The following DPP6 variants were observed in gnomAD, a reference collection of about 807,000 sequenced individuals.
The protein encoded by DPP6 is dipeptidyl peptidase like 6.
Under a neutral mutation model 122.6 loss-of-function variants are expected in DPP6, and 69 were observed. The observed-to-expected ratio is 0.56, with a 90% CI of 0.46 to 0.69. The LOEUF (loss-of-function observed/expected upper bound fraction) is 0.69. Among genes scored for constraint, DPP6 ranks in the 30% least tolerant of loss-of-function variants. The probability of loss-of-function intolerance (pLI) is 0.00; values close to 1 mark genes in which losing one functional copy is unlikely to be tolerated. For missense variants in DPP6, 928 were observed against 1,116.9 expected, an observed-to-expected ratio of 0.83 and a Z score of 2.41; for synonymous variants, 418 against 433.1, an observed-to-expected ratio of 0.97 and a Z score of 0.43.
At chr7:154,378,278 A>T (rs971329197) in intron 1 of DPP6, among the ~76,000 whole-genome samples, 3 of 152,234 alleles carry the variant, frequency 2.0e-5, no homozygotes, top group Admixed American at 6.5e-5. Flanking sequence ...AGAAAGTAGA[A>T]TAAGCCATTG....
At chr7:154,064,419 T>C (rs1160342634) in intron 1 of DPP6, among the ~76,000 whole-genome samples, 1 of 152,196 alleles carries the variant, frequency 6.6e-6, no homozygotes, top group Non-Finnish European at 1.5e-5. Flanking sequence ...TTCATGGCCA[T>C]TGAACTTGTC....
intron 6 of DPP6, among the ~76,000 whole-genome samples, chr7:154,651,708 T>C (rs982250256): frequency 6.6e-6 from 1 of 152,150 alleles, no homozygotes; most frequent in African/African-American, 2.4e-5. Flanking sequence ...ACGACTCTGG[T>C]TTCCGCCGTC....
chr7:154,144,794 A>G (rs1045553206), intron 1 of DPP6, among the ~76,000 whole-genome samples: 8 of 151,904 alleles, frequency 5.3e-5, no homozygotes, highest in Non-Finnish European at 1.2e-4. Flanking sequence ...AGGAAGAGAC[A>G]GCGGAGCTTG....
intron 1 of DPP6, among the ~76,000 whole-genome samples, chr7:154,024,113 C>T (rs2129052917): frequency 6.6e-6 from 1 of 152,236 alleles, no homozygotes; most frequent in East Asian, 1.9e-4. Context: ...TGTAAAATAT[C>T]TCTTTATAAG....
intron 3 of DPP6, among the ~76,000 whole-genome samples, chr7:154,497,997 T>A (rs1824902838): frequency 1.3e-5 from 2 of 151,956 alleles, no homozygotes; most frequent in African/African-American, 4.8e-5. Flanking sequence ...ATCATGGCAA[T>A]CAGAAGAAGG....
chr7:154,578,749 T>C (rs1369199219), intron 5 of DPP6, among the ~76,000 whole-genome samples: 3 of 152,220 alleles, frequency 2.0e-5, no homozygotes, highest in East Asian at 1.9e-4. Context: ...CTCTTGAGTG[T>C]GTGTGCCTGT....
chr7:154,518,861 A>T (rs1826746837), intron 3 of DPP6, among the ~76,000 whole-genome samples: 1 of 152,270 alleles, frequency 6.6e-6, no homozygotes, highest in African/African-American at 2.4e-5. Flanking sequence ...AGATGGGAGT[A>T]TCAAGGCACA....
chr7:154,137,664 G>GGGGC (rs1554473124), intron 1 of DPP6, among the ~76,000 whole-genome samples: 1 of 118,312 alleles, frequency 8.5e-6, no homozygotes, highest in Non-Finnish European at 1.8e-5. Context: ...GGGGTGGGGG[G>GGGGC]GGTGGGGCGA....
chr7:154,784,079 C>A (rs1013272989), intron 10 of DPP6, among the ~76,000 whole-genome samples: 1 of 152,126 alleles, frequency 6.6e-6, no homozygotes, highest in African/African-American at 2.4e-5. Context: ...GACTTTCCTG[C>A]TTGGAGAAGG....
At chr7:153,822,339 G>A in the DPP6 span, among the ~76,000 whole-genome samples, 6 of 151,828 alleles carry the variant, frequency 4.0e-5, no homozygotes, top group Admixed American at 2.6e-4. Flanking sequence ...ACAGGCGCAC[G>A]CCACCACGCC....
At chr7:154,127,640 C>CAG (rs1253260999) in intron 1 of DPP6, among the ~76,000 whole-genome samples, 18 of 107,028 alleles carry the variant, frequency 1.7e-4, no homozygotes, top group African/African-American at 6.4e-4. Flanking sequence ...CACAGACACA[C>CAG]ACACACACAC....
At chr7:154,581,388 G>A (rs1266670975) in intron 5 of DPP6, among the ~76,000 whole-genome samples, 1 of 152,122 alleles carries the variant, frequency 6.6e-6, no homozygotes, top group Non-Finnish European at 1.5e-5. Context: ...GAGCCTGGAA[G>A]GGCCAGGGAA....
intron 7 of DPP6, among the ~76,000 whole-genome samples, chr7:154,686,908 C>T (rs1839645450): frequency 2.0e-5 from 3 of 152,128 alleles, no homozygotes; most frequent in Non-Finnish European, 4.4e-5. Flanking sequence ...CAAGCATGCC[C>T]AGAGCTCGGA....
chr7:154,234,774 G>A (rs2150858895), intron 1 of DPP6, among the ~76,000 whole-genome samples: 1 of 152,264 alleles, frequency 6.6e-6, no homozygotes, highest in South Asian at 2.1e-4. Context: ...GCAATCAGGT[G>A]TGCACTCAGT....
chr7:154,476,281 C>T (rs772928836), intron 3 of DPP6, among the ~76,000 whole-genome samples: 3 of 152,130 alleles, frequency 2.0e-5, no homozygotes, highest in Non-Finnish European at 2.9e-5. Flanking sequence ...ATCATGAATA[C>T]CAAGGGCACA....
intron 1 of DPP6, among the ~76,000 whole-genome samples, chr7:154,063,308 A>C (rs1347447400): frequency 8.6e-6 from 1 of 116,390 alleles, no homozygotes; most frequent in African/African-American, 3.3e-5. Context: ...TGAGGCGGGG[A>C]CTGAGAGCCA....
intron 1 of DPP6, among the ~76,000 whole-genome samples, chr7:154,372,009 G>A (rs1812716011): frequency 6.6e-6 from 1 of 152,046 alleles, no homozygotes; most frequent in South Asian, 2.1e-4. Flanking sequence ...CAGTGTGAGG[G>A]ATGTAAAGAG....
the DPP6 span, among the ~76,000 whole-genome samples, chr7:153,764,676 G>T: frequency 6.6e-6 from 1 of 151,432 alleles, no homozygotes; most frequent in African/African-American, 2.4e-5. Flanking sequence ...TCACTGTGAT[G>T]CCTTCACACA....
chr7:154,335,726 G>T (rs1034269934), intron 1 of DPP6, among the ~76,000 whole-genome samples: 1 of 152,126 alleles, frequency 6.6e-6, no homozygotes, highest in African/African-American at 2.4e-5. Flanking sequence ...TGACTGATGC[G>T]CTGTGTTCTA....
Sources: gnomAD v4.1 joint callset for allele counts (sites outside exome capture counted in the v4.1 genomes callset) on GRCh38, gnomAD v4.1.1 for gene constraint, MANE v1.5 for transcripts, NCBI Gene and HGNC (gene_info 2026-07-23, HGNC 2026-07-21) for gene names.